Variants in GCSH observed in about 807,000 individuals in gnomAD.
The protein encoded by GCSH is glycine cleavage system protein H.
GCSH carries 15 observed loss-of-function variants against 21.3 expected under a neutral mutation model. That is an observed-to-expected ratio of 0.70 (90% CI 0.47 to 1.08). The LOEUF is 1.08. GCSH is among the 50% of genes least tolerant of loss of function. The pLI, the probability that GCSH is intolerant of heterozygous loss-of-function variation, is 0.00. For missense variants in GCSH, 179 were observed against 217.5 expected, an observed-to-expected ratio of 0.82 and a Z score of 1.11; for synonymous variants, 59 against 84.5, an observed-to-expected ratio of 0.70 and a Z score of 1.66.
At chr16:81,083,577 C>G (rs1972213470) in intron 4 of GCSH, 1 of 154,966 alleles carries the variant, frequency 6.5e-6, no homozygotes, top group Admixed American at 6.4e-5. Context: ...CCAGGTATGT[C>G]TTTAACAAAT....
At chr16:81,084,616 GA>G in intron 3 of GCSH, 22 bp from the exon 4 acceptor site, 1 of 1,570,282 alleles carries the variant, frequency 6.4e-7, no homozygotes, top group Non-Finnish European at 8.7e-7. Context: ...AAAAATTAAA[GA>G]AAACATGAAA....
chr16:81,092,292 T>C (rs1403902482), intron 1 of GCSH, among the ~76,000 whole-genome samples: 1 of 150,398 alleles, frequency 6.6e-6, no homozygotes, highest in Admixed American at 6.8e-5. Context: ...CTAGAGATCA[T>C]CTGTCAGTCT....
chr16:81,093,839 A>G (rs558770059), intron 1 of GCSH, among the ~76,000 whole-genome samples: 5 of 152,260 alleles, frequency 3.3e-5, no homozygotes, highest in African/African-American at 1.2e-4. Context: ...GCTAAAGGCA[A>G]TGATTAGTAC....
chr16:81,093,994 C>T (rs1351160830), intron 1 of GCSH, among the ~76,000 whole-genome samples: 6 of 151,754 alleles, frequency 4.0e-5, no homozygotes, highest in African/African-American at 9.7e-5. Context: ...CTCTGCCTCC[C>T]GGGTTCAAGT....
chr16:81,091,291 G>A (rs747312021), intron 1 of GCSH: 2 of 352,420 alleles, frequency 5.7e-6, no homozygotes, highest in Non-Finnish European at 1.1e-5. Flanking sequence ...TAACCTTGAA[G>A]ATAGCACTAC....
intron 2 of GCSH, among the ~76,000 whole-genome samples, chr16:81,088,724 T>C (rs547813023): frequency 6.6e-6 from 1 of 152,288 alleles, no homozygotes; most frequent in South Asian, 2.1e-4. Context: ...CTTCTGGGCA[T>C]GAACATATTT....
chr16:81,094,913 C>T (rs8047495), intron 1 of GCSH, among the ~76,000 whole-genome samples: 131,739 of 151,868 alleles, frequency 0.87, 57,652 homozygotes, highest in South Asian at 0.97. Flanking sequence ...CCTAACGTGG[C>T]GAAACCCTGT....
At chr16:81,092,481 G>A (rs537609645) in intron 1 of GCSH, among the ~76,000 whole-genome samples, 9 of 150,928 alleles carry the variant, frequency 6.0e-5, no homozygotes, top group African/African-American at 1.9e-4. Context: ...TGACTCATGC[G>A]TGTAATCCCA....
intron 4 of GCSH, 109 bp from the exon 5 acceptor site, chr16:81,083,072 A>G: frequency 1.3e-6 from 1 of 778,940 alleles, no homozygotes; most frequent in Admixed American, 1.8e-5. Context: ...TCTTTACAAA[A>G]ACCATACATT....
intron 1 of GCSH, among the ~76,000 whole-genome samples, chr16:81,093,631 A>G (rs551962796): frequency 3.3e-5 from 5 of 152,162 alleles, no homozygotes; most frequent in African/African-American, 1.2e-4. Context: ...ACCTGAGATC[A>G]GGAGTTCAAG....
chr16:81,095,745 T>C (rs1385809023), intron 1 of GCSH, among the ~76,000 whole-genome samples: 1 of 151,808 alleles, frequency 6.6e-6, no homozygotes, highest in Non-Finnish European at 1.5e-5. Flanking sequence ...GCCTCCCCAT[T>C]TGGGGTCTCA....
At position 81,090,677 on chromosome 16, in the gene GCSH, C is replaced by T. The variant is rs767679737; in HGVS notation, c.152G>A (p.Arg51His). Residue 51 changes from arginine (R) to histidine (H), a missense_variant, in exon 2 of 5, where the codon CGT becomes CAT. By Grantham distance (29) the Arg-to-His change is conservative. Coordinates refer to ENST00000315467, the MANE Select transcript of GCSH (RefSeq NM_004483.5). ...CCATTCGTGTTTCTCTGTGAATTTA[C>T]GCACTAAAACAGAAGACCAACATTT... ...LRTGPALLSV[R>H]KFTEKHEWVT... The T allele has an allele frequency of 1.9e-5, 30 of 1,608,048 alleles. No individual in the cohort carries two copies. Among genetic ancestry groups the T allele is most frequent in the African/African-American group, 8.0e-5 (6 of 74,928 alleles).
At chr16:81,092,319 G>C (rs1245720517) in intron 1 of GCSH, among the ~76,000 whole-genome samples, 1 of 49,788 alleles carries the variant, frequency 2.0e-5, no homozygotes, top group Non-Finnish European at 9.1e-5. Flanking sequence ...GAAGTAGGCT[G>C]TGTACCCACC....
intron 1 of GCSH, among the ~76,000 whole-genome samples, chr16:81,092,187 G>T (rs1184130093): frequency 6.6e-6 from 1 of 151,614 alleles, no homozygotes; most frequent in East Asian, 1.9e-4. Context: ...CTGCCCAAAG[G>T]CTTGTCTAAC....
intron 3 of GCSH, among the ~76,000 whole-genome samples, chr16:81,085,315 C>A (rs74882687): frequency 0.11 from 16,882 of 152,094 alleles, 989 homozygotes; most frequent in East Asian, 0.21. Context: ...GCCTGGCCTA[C>A]ATTTCTTTAA....
Position 81,082,795 on chromosome 16 carries a change from A to C in GCSH, c.*71T>G, listed in dbSNP as rs760338522. On this transcript the variant is annotated 3_prime_UTR_variant, in exon 5 of 5. Transcript: ENST00000315467. Reference sequence around the variant, plus strand: ...TAAAAGTTTCTATTCTAAGTCTTCTATCCACCACTAATTTAAGACAACTCT... The same window carrying C: ...TAAAAGTTTCTATTCTAAGTCTTCTCTCCACCACTAATTTAAGACAACTCT... 1 of 776,860 alleles carries C rather than the reference A, an allele frequency of 1.3e-6. No individual in the cohort carries two copies. Among genetic ancestry groups the C allele is most frequent in the South Asian group, 1.4e-5 (1 of 71,502 alleles). 48.1% of individuals were successfully genotyped at this position (776,860 alleles called of 1,614,324 possible). A position where few individuals can be genotyped will look rare whatever the true frequency, so the allele number is the denominator to read the frequency against.
chr16:81,094,185 C>A (rs1257742133), intron 1 of GCSH, among the ~76,000 whole-genome samples: 1 of 152,156 alleles, frequency 6.6e-6, no homozygotes, highest in East Asian at 1.9e-4. Context: ...AAGGCATGAG[C>A]CACCGTGCCT....
chr16:81,084,781 G>A (rs564918159), intron 3 of GCSH, among the ~76,000 whole-genome samples, 187 bp from the exon 4 acceptor site: 1 of 145,890 alleles, frequency 6.9e-6, no homozygotes, highest in Admixed American at 7.0e-5. Context: ...GCAATCTCAC[G>A]TCACTGCAAG....
chr16:81,092,969 TAA>T (rs1370144270), intron 1 of GCSH, among the ~76,000 whole-genome samples: 1 of 150,958 alleles, frequency 6.6e-6, no homozygotes, highest in African/African-American at 2.4e-5. Flanking sequence ...AAGTCCCTAC[TAA>T]AAATACAAAA....
Sources: gnomAD v4.1 joint callset for allele counts (sites outside exome capture counted in the v4.1 genomes callset) on GRCh38, gnomAD v4.1.1 for gene constraint, MANE v1.5 for transcripts, NCBI Gene and HGNC (gene_info 2026-07-23, HGNC 2026-07-21) for gene names.